Variants in VMP1 observed in about 807,000 individuals in gnomAD.
VMP1 encodes vacuole membrane protein 1, also known as ectopic P-granules autophagy protein 3 homolog.
Under a neutral mutation model 56.0 loss-of-function variants are expected in VMP1, and 11 were observed. The ratio of observed to expected loss-of-function variants is 0.20; its 90% CI spans 0.12 to 0.32. VMP1 has a LOEUF of 0.32. VMP1 is among the 10% of genes least tolerant of loss of function. The pLI, the probability that VMP1 is intolerant of heterozygous loss-of-function variation, is 1.00. For missense variants in VMP1, 296 were observed against 490.3 expected (o/e 0.60, Z 3.74); for synonymous variants, 149 against 165.0 (o/e 0.90, Z 0.74).
intron 10 of VMP1, among the ~76,000 whole-genome samples, chr17:59,820,358 C>T (rs1461317553): frequency 6.6e-6 from 1 of 152,148 alleles, no homozygotes; most frequent in Non-Finnish European, 1.5e-5. Flanking sequence ...GGGGAACTGT[C>T]CTGTGCATTA....
intron 7 of VMP1, among the ~76,000 whole-genome samples, chr17:59,798,609 G>A (rs138826218): frequency 2.6e-5 from 4 of 152,158 alleles, no homozygotes; most frequent in Admixed American, 1.3e-4. Flanking sequence ...ATGTAAGGCC[G>A]GGCACGGTGG....
At chr17:59,753,864 C>T (rs1457547024) in intron 5 of VMP1, among the ~76,000 whole-genome samples, 1 of 152,090 alleles carries the variant, frequency 6.6e-6, no homozygotes, top group African/African-American at 2.4e-5. Flanking sequence ...GTTAGTTTTA[C>T]TTTCTAGAAG....
intron 5 of VMP1, among the ~76,000 whole-genome samples, chr17:59,760,018 C>T (rs563974502): frequency 1.4e-5 from 2 of 147,984 alleles, no homozygotes; most frequent in African/African-American, 5.0e-5. Context: ...CCCAGCTACT[C>T]GGGAGGCTGA....
chr17:59,797,067 C>T (rs933784023), intron 7 of VMP1, among the ~76,000 whole-genome samples: 2 of 152,072 alleles, frequency 1.3e-5, no homozygotes, highest in Admixed American at 6.6e-5. Context: ...GGCACTGTTG[C>T]TCAAGCCTGT....
At chr17:59,755,052 G>A (rs1041504695) in intron 5 of VMP1, among the ~76,000 whole-genome samples, 1 of 131,290 alleles carries the variant, frequency 7.6e-6, no homozygotes. Flanking sequence ...TCAACTGTAT[G>A]ATCAAAAGTT....
chr17:59,754,728 A>G (rs2035773029), intron 5 of VMP1, among the ~76,000 whole-genome samples: 1 of 152,184 alleles, frequency 6.6e-6, no homozygotes, highest in Non-Finnish European at 1.5e-5. Context: ...TGATGAAGGC[A>G]TGAAAGCTCT....
intron 1 of VMP1, among the ~76,000 whole-genome samples, chr17:59,724,737 TGGCTGATCACGA>T: frequency 6.6e-6 from 1 of 151,904 alleles, no homozygotes; most frequent in Non-Finnish European, 1.5e-5. Context: ...GAGGCCGAGG[TGGCTGATCACGA>T]GGTCAGGAGA....
chr17:59,724,660 A>T (rs2034527169), intron 1 of VMP1, among the ~76,000 whole-genome samples: 1 of 151,786 alleles, frequency 6.6e-6, no homozygotes, highest in South Asian at 2.1e-4. Context: ...TAACAGAGTG[A>T]AACTTTGTCT....
At chr17:59,805,231 G>C (rs2037806057) in intron 7 of VMP1, among the ~76,000 whole-genome samples, 1 of 152,176 alleles carries the variant, frequency 6.6e-6, no homozygotes, top group South Asian at 2.1e-4. Flanking sequence ...GAGCACCCAG[G>C]CATCTGAAAG....
At chr17:59,779,062 T>A (rs781419330) in intron 7 of VMP1, among the ~76,000 whole-genome samples, 1 of 152,200 alleles carries the variant, frequency 6.6e-6, no homozygotes, top group South Asian at 2.1e-4. Flanking sequence ...TAAGCTATGA[T>A]GTTTGGTAGG....
At chr17:59,752,962 C>T (rs2035707530) in intron 5 of VMP1, among the ~76,000 whole-genome samples, 1 of 152,048 alleles carries the variant, frequency 6.6e-6, no homozygotes, top group African/African-American at 2.4e-5. Context: ...CAATTATGCA[C>T]AATAAAATTT....
chr17:59,816,412 A>G (rs1057315890), intron 9 of VMP1, among the ~76,000 whole-genome samples: 3 of 152,356 alleles, frequency 2.0e-5, no homozygotes, highest in South Asian at 4.1e-4. Context: ...ATATTCACAT[A>G]CCAATTGTAT....
intron 1 of VMP1, among the ~76,000 whole-genome samples, chr17:59,716,006 G>T (rs2034138870): frequency 6.6e-6 from 1 of 151,792 alleles, no homozygotes; most frequent in Non-Finnish European, 1.5e-5. Flanking sequence ...ACTAAAGGTT[G>T]ACATAATTTC....
At chr17:59,733,484 G>A (rs779868729) in intron 2 of VMP1, among the ~76,000 whole-genome samples, 2 of 151,888 alleles carry the variant, frequency 1.3e-5, no homozygotes, top group Non-Finnish European at 1.5e-5. Context: ...GATCACTTGA[G>A]GTCAGGAGTT....
intron 7 of VMP1, among the ~76,000 whole-genome samples, chr17:59,789,715 T>C (rs1174758274): frequency 6.6e-6 from 1 of 152,142 alleles, no homozygotes; most frequent in African/African-American, 2.4e-5. Context: ...ATTATGTTCA[T>C]TTCCTATTGC....
At position 59,789,167 on chromosome 17, in the gene VMP1, G is replaced by A. The variant is rs8081102; in HGVS notation, c.714+15282G>A. On this transcript the variant is annotated intron_variant, in intron 7 of 11. Transcript: ENST00000262291. ...TAGCCTGGCGTGGTGGCACGCACCTGTAGTCCCAGCTACTCTGGAGGCTGA... is the reference window on the plus strand; with the variant it reads ...TAGCCTGGCGTGGTGGCACGCACCTATAGTCCCAGCTACTCTGGAGGCTGA... Among the ~76,000 whole-genome samples the A allele has an allele frequency of 4.2e-3, 634 of 150,826 alleles. 2 individuals carry two copies. The highest frequency in any genetic ancestry group is 0.015 in the African/African-American group (603 of 41,068).
intron 7 of VMP1, among the ~76,000 whole-genome samples, chr17:59,795,819 C>G (rs2037420459): frequency 6.6e-6 from 1 of 151,850 alleles, no homozygotes; most frequent in South Asian, 2.1e-4. Context: ...TGTTTTTTGT[C>G]TCTTGACATT....
At chr17:59,817,498 CAT>C (rs1241680377) in intron 9 of VMP1, among the ~76,000 whole-genome samples, 5 of 151,902 alleles carry the variant, frequency 3.3e-5, no homozygotes, top group African/African-American at 7.2e-5. Context: ...ACTACAGGCA[CAT>C]GTCACCACCC....
intron 1 of VMP1, among the ~76,000 whole-genome samples, chr17:59,723,271 A>C (rs2034468545): frequency 6.6e-6 from 1 of 152,236 alleles, no homozygotes; most frequent in Admixed American, 6.5e-5. Context: ...AAGAATTGTC[A>C]GTATGTAGAG....
Sources: allele counts gnomAD v4.1 joint callset (sites outside exome capture counted in the v4.1 genomes callset), GRCh38; gene constraint gnomAD v4.1.1; transcripts MANE v1.5; gene names NCBI Gene and HGNC (gene_info 2026-07-23, HGNC 2026-07-21).